The following SYT1 variants were observed in gnomAD, a reference collection of about 807,000 sequenced individuals.
The protein encoded by SYT1 is synaptotagmin-1.
Under a neutral mutation model 44.8 loss-of-function variants are expected in SYT1, and 8 were observed. That is an observed-to-expected ratio of 0.18 (90% CI 0.10 to 0.32). The LOEUF (loss-of-function observed/expected upper bound fraction) is 0.32. Among genes scored for constraint, SYT1 ranks in the 10% least tolerant of loss-of-function variants. The pLI is 1.00. For missense variants in SYT1, 286 were observed against 509.3 expected (o/e 0.56, Z 4.22); for synonymous variants, 154 against 188.8 (o/e 0.82, Z 1.51).
At chr12:78,870,162 A>C (rs763943707) in intron 1 of SYT1, among the ~76,000 whole-genome samples, 3 of 152,108 alleles carry the variant, frequency 2.0e-5, no homozygotes, top group Non-Finnish European at 4.4e-5. Context: ...CCAAGAGTTC[A>C]TACAGCCCTG....
intron 3 of SYT1, among the ~76,000 whole-genome samples, chr12:79,131,715 A>G (rs990132301): frequency 1.3e-5 from 2 of 152,246 alleles, no homozygotes; most frequent in Non-Finnish European, 2.9e-5. Context: ...CAAATGCCAT[A>G]AAATTCAATT....
intron 3 of SYT1, among the ~76,000 whole-genome samples, chr12:79,154,546 G>C (rs541725227): frequency 6.6e-6 from 1 of 152,024 alleles, no homozygotes; most frequent in African/African-American, 2.4e-5. Flanking sequence ...CTGTCAGGTA[G>C]AGATAATGGG....
intron 1 of SYT1, among the ~76,000 whole-genome samples, chr12:78,883,222 A>G (rs1228504677): frequency 2.0e-5 from 3 of 151,788 alleles, no homozygotes; most frequent in African/African-American, 7.2e-5. Flanking sequence ...GATTGAGTTA[A>G]GTCCTCTATG....
At chr12:79,376,115 A>G (rs1216186628) in intron 9 of SYT1, among the ~76,000 whole-genome samples, 4 of 152,220 alleles carry the variant, frequency 2.6e-5, no homozygotes, top group African/African-American at 9.6e-5. Flanking sequence ...ACTTCCTCCA[A>G]GAAACTTTCT....
intron 4 of SYT1, among the ~76,000 whole-genome samples, chr12:79,240,382 A>G (rs1159527719): frequency 1.3e-5 from 2 of 152,200 alleles, no homozygotes; most frequent in African/African-American, 4.8e-5. Context: ...CATTATAGCC[A>G]CTAAAATAGT....
chr12:78,932,265 T>C (rs915828887), intron 1 of SYT1, among the ~76,000 whole-genome samples: 2 of 152,202 alleles, frequency 1.3e-5, no homozygotes, highest in African/African-American at 2.4e-5. Flanking sequence ...GAGAAACCAA[T>C]TGTAGCTTAT....
chr12:79,078,112 A>G (rs1407528943), intron 3 of SYT1, among the ~76,000 whole-genome samples: 1 of 152,146 alleles, frequency 6.6e-6, no homozygotes, highest in African/African-American at 2.4e-5. Context: ...GAACTATAAA[A>G]TTAAGGTTGC....
At chr12:79,209,209 C>T (rs1239245521) in intron 3 of SYT1, among the ~76,000 whole-genome samples, 1 of 152,292 alleles carries the variant, frequency 6.6e-6, no homozygotes. Context: ...ACACCTCAAG[C>T]CTGACATTCA....
At chr12:79,200,857 T>C (rs186397597) in intron 3 of SYT1, among the ~76,000 whole-genome samples, 5 of 152,296 alleles carry the variant, frequency 3.3e-5, no homozygotes, top group African/African-American at 7.2e-5. Context: ...AGAAACATAA[T>C]CTGTCCACCC....
At chr12:79,376,514 TG>T (rs1300293902) in intron 9 of SYT1, among the ~76,000 whole-genome samples, 2 of 152,204 alleles carry the variant, frequency 1.3e-5, no homozygotes, top group African/African-American at 4.8e-5. Flanking sequence ...GCTCCTTTAC[TG>T]CAAACTGTTT....
At chr12:79,414,055 C>A (rs766629217) in intron 9 of SYT1, among the ~76,000 whole-genome samples, 9 of 152,162 alleles carry the variant, frequency 5.9e-5, no homozygotes, top group Non-Finnish European at 1.0e-4. Flanking sequence ...CACAGAACAC[C>A]ATGCCCATAA....
Position 79,329,986 on chromosome 12 carries a change from C to T in SYT1, c.811-23516C>T, listed in dbSNP as rs374128514. On this transcript the variant is annotated intron_variant, in intron 8 of 10. Transcript: ENST00000261205. ...TTTCCACCTATTTTATCGTATTTGA[C>T]CTCATTAAATCCCTATAAGGAGAGA... Among the ~76,000 whole-genome samples the T allele has an allele frequency of 4.6e-5, 7 of 152,244 alleles. 1 individual carries two copies. Among genetic ancestry groups the T allele is most frequent in the Admixed American group, 3.3e-4 (5 of 15,290 alleles).
At chr12:79,117,662 C>CATATATATATATAT (rs57706449) in intron 3 of SYT1, among the ~76,000 whole-genome samples, 4 of 39,310 alleles carry the variant, frequency 1.0e-4, no homozygotes, top group Non-Finnish European at 1.5e-4. Context: ...TGTATTACAT[C>CATATATATATATAT]ATATATATAT....
At chr12:79,226,432 T>C (rs1875525766) in intron 4 of SYT1, among the ~76,000 whole-genome samples, 1 of 152,154 alleles carries the variant, frequency 6.6e-6, no homozygotes, top group African/African-American at 2.4e-5. Flanking sequence ...AACCATTGTC[T>C]TAGTCCTGTG....
At chr12:78,961,453 T>C (rs532521705) in intron 1 of SYT1, among the ~76,000 whole-genome samples, 11 of 152,240 alleles carry the variant, frequency 7.2e-5, no homozygotes, top group Admixed American at 3.3e-4. Context: ...ATTCTAATGA[T>C]GCAAGATTTC....
At chr12:78,874,082 G>A (rs1171466661) in intron 1 of SYT1, among the ~76,000 whole-genome samples, 2 of 151,638 alleles carry the variant, frequency 1.3e-5, no homozygotes, top group East Asian at 1.9e-4. Flanking sequence ...CAATATGTCA[G>A]GCACTTTTCT....
intron 1 of SYT1, among the ~76,000 whole-genome samples, chr12:78,941,781 C>A (rs1878390271): frequency 6.6e-6 from 1 of 152,206 alleles, no homozygotes; most frequent in African/African-American, 2.4e-5. Flanking sequence ...CTAATAGACA[C>A]CTGGTCAGTT....
intron 1 of SYT1, among the ~76,000 whole-genome samples, chr12:78,869,799 G>C (rs1236899512): frequency 6.6e-6 from 1 of 151,956 alleles, no homozygotes; most frequent in Admixed American, 6.6e-5. Context: ...CTTAAGTTCT[G>C]ATTGCTGATT....
rs143703562 is a variant in SYT1, at chr12:79,244,140, G to A, written c.166+26455G>A. On this transcript the variant is annotated intron_variant, in intron 4 of 10. Coordinates refer to ENST00000261205, the MANE Select transcript of SYT1 (RefSeq NM_005639.3). ...TCTGGGCACTTTAACGTACTGCATC[G>A]AAAGACTTCATACTGATAATTATTA... is the stretch of plus-strand genomic sequence containing the variant. 1.4e-3 allele frequency among the ~76,000 whole-genome samples: 214 copies of A among 152,186 alleles called. 1 individual carries two copies. Among genetic ancestry groups the A allele is most frequent in the African/African-American group, 4.7e-3 (197 of 41,528 alleles).
Sources: gnomAD v4.1 joint callset for allele counts (sites outside exome capture counted in the v4.1 genomes callset) on GRCh38, gnomAD v4.1.1 for gene constraint, MANE v1.5 for transcripts, NCBI Gene and HGNC (gene_info 2026-07-23, HGNC 2026-07-21) for gene names.